Variants in DLGAP2 observed in about 807,000 individuals in gnomAD.
The protein encoded by DLGAP2 is disks large-associated protein 2.
DLGAP2 carries 26 observed loss-of-function variants against 100.3 expected under a neutral mutation model. That is an observed-to-expected ratio of 0.26 (90% confidence interval 0.19 to 0.36). DLGAP2 has a LOEUF of 0.36. Ranked by LOEUF, DLGAP2 falls within the 10% of genes least tolerant of loss-of-function variation. DLGAP2 has a pLI of 1.00. For missense variants in DLGAP2, 1,858 were observed against 1,453.2 expected, an observed-to-expected ratio of 1.28 and a Z score of -4.53; for synonymous variants, 886 against 630.1, an observed-to-expected ratio of 1.41 and a Z score of -6.08.
At chr8:836,438 C>T (rs528908022) in intron 1 of DLGAP2, among the ~76,000 whole-genome samples, 67 of 152,310 alleles carry the variant, frequency 4.4e-4, no homozygotes, top group African/African-American at 1.6e-3. Context: ...GTAGGTCCTG[C>T]AGGCGCCCTG....
chr8:1,525,609 G>T (rs1048402151), intron 4 of DLGAP2, among the ~76,000 whole-genome samples: 1 of 152,228 alleles, frequency 6.6e-6, no homozygotes, highest in Non-Finnish European at 1.5e-5. Flanking sequence ...AACCATGTGC[G>T]AATCGCAGAA....
intron 1 of DLGAP2, among the ~76,000 whole-genome samples, chr8:818,436 G>A (rs937412975): frequency 2.6e-5 from 4 of 152,076 alleles, no homozygotes; most frequent in Admixed American, 6.5e-5. Context: ...CCTGAACCAC[G>A]AACCTCCCCA....
intron 3 of DLGAP2, among the ~76,000 whole-genome samples, chr8:1,437,745 A>T (rs1797689259): frequency 6.9e-6 from 1 of 145,474 alleles, no homozygotes; most frequent in African/African-American, 2.5e-5. Flanking sequence ...AGGCAGGTGG[A>T]TCATTTGAGG....
intron 2 of DLGAP2, among the ~76,000 whole-genome samples, chr8:1,188,176 C>T (rs1329608709): frequency 2.8e-5 from 4 of 141,758 alleles, no homozygotes; most frequent in South Asian, 4.5e-4. Context: ...CACGGAATCT[C>T]ACACGCCCGG....
intron 1 of DLGAP2, among the ~76,000 whole-genome samples, chr8:780,603 C>G (rs1219085520): frequency 1.3e-5 from 2 of 152,204 alleles, no homozygotes; most frequent in Admixed American, 1.3e-4. Flanking sequence ...AACGTGAGTC[C>G]CCTTCACCCA....
At chr8:979,755 C>A (rs1474694758) in intron 2 of DLGAP2, among the ~76,000 whole-genome samples, 3 of 152,186 alleles carry the variant, frequency 2.0e-5, no homozygotes, top group African/African-American at 7.2e-5. Flanking sequence ...CTCTTGCATG[C>A]AGTTTTAAGG....
At chr8:1,317,254 A>G (rs1291216206) in intron 3 of DLGAP2, among the ~76,000 whole-genome samples, 2 of 141,210 alleles carry the variant, frequency 1.4e-5, no homozygotes, top group Admixed American at 1.4e-4. Flanking sequence ...AGCGTGTGCG[A>G]GTGCAGCGTC....
At chr8:960,402 T>C (rs1227740174) in intron 2 of DLGAP2, among the ~76,000 whole-genome samples, 1 of 151,636 alleles carries the variant, frequency 6.6e-6, no homozygotes, top group Non-Finnish European at 1.5e-5. Context: ...CGCCAGCTGT[T>C]TGTATTTTTA....
chr8:795,696 G>GCAGGTGTCCAGTGAGAA (rs1796013729), intron 1 of DLGAP2, among the ~76,000 whole-genome samples: 2 of 21,956 alleles, frequency 9.1e-5, no homozygotes, highest in Non-Finnish European at 1.1e-4. Context: ...TCCAGTGAGA[G>GCAGGTGTCCAGTGAGAA]CAGGCGTCCA....
chr8:759,284 A>ACCAATACCCGCAACAGCCTCCCTGTTG (rs1821014040), intron 1 of DLGAP2, among the ~76,000 whole-genome samples: 2 of 143,732 alleles, frequency 1.4e-5, no homozygotes. Context: ...CCTCCCCATT[A>ACCAATACCCGCAACAGCCTCCCTGTTG]TCAATACCCC....
At chr8:1,004,555 C>G (rs187150568) in intron 2 of DLGAP2, among the ~76,000 whole-genome samples, 50 of 152,326 alleles carry the variant, frequency 3.3e-4, no homozygotes, top group African/African-American at 1.2e-3. Context: ...GGCCTCACGA[C>G]TCTCTTGAGT....
At chr8:909,512 GGAAAACATTGCCAACTGAA>G (rs1170832514) in intron 2 of DLGAP2, among the ~76,000 whole-genome samples, 4 of 150,734 alleles carry the variant, frequency 2.7e-5, no homozygotes, top group Non-Finnish European at 5.9e-5. Flanking sequence ...AAGTTAATTT[GGAAAACATTGCCAACTGAA>G]GATGTTTTAT....
chr8:1,272,488 A>G (rs1383364300), intron 3 of DLGAP2, among the ~76,000 whole-genome samples: 2 of 152,018 alleles, frequency 1.3e-5, no homozygotes, highest in African/African-American at 2.4e-5. Flanking sequence ...TATATTACAC[A>G]TAAACGTTTT....
At chr8:1,533,855 G>A (rs904082547) in intron 4 of DLGAP2, among the ~76,000 whole-genome samples, 4 of 152,136 alleles carry the variant, frequency 2.6e-5, no homozygotes, top group African/African-American at 9.7e-5. Flanking sequence ...TCCTCAGGAG[G>A]CTGAGGTGGG....
intron 3 of DLGAP2, among the ~76,000 whole-genome samples, chr8:1,317,925 C>T (rs868753309): frequency 1.1e-5 from 1 of 92,328 alleles, no homozygotes; most frequent in South Asian, 3.7e-4. Flanking sequence ...TCGAGACACT[C>T]GTCAGCGTTT....
At chr8:1,125,373 GAA>G (rs983239328) in intron 2 of DLGAP2, among the ~76,000 whole-genome samples, 1 of 151,884 alleles carries the variant, frequency 6.6e-6, no homozygotes, top group Non-Finnish European at 1.5e-5. Context: ...TTTTTTTATG[GAA>G]AAAAATGAGT....
intron 12 of DLGAP2, among the ~76,000 whole-genome samples, chr8:1,687,143 CAG>C (rs1408257908): frequency 6.6e-6 from 1 of 152,164 alleles, no homozygotes; most frequent in Non-Finnish European, 1.5e-5. Context: ...CAGGGGATCA[CAG>C]GGGTTACAAA....
chr8:1,273,905 G>T (rs548860153), intron 3 of DLGAP2, among the ~76,000 whole-genome samples: 1 of 152,302 alleles, frequency 6.6e-6, no homozygotes, highest in Admixed American at 6.5e-5. Context: ...ATATAGCCGG[G>T]AATCTGCTCT....
chr8:973,586 G>A (rs575063796), intron 2 of DLGAP2, among the ~76,000 whole-genome samples: 29 of 152,336 alleles, frequency 1.9e-4, no homozygotes, highest in African/African-American at 6.0e-4. Flanking sequence ...TGCAATCTCG[G>A]CACTTTGGGA....
Sources: gnomAD v4.1 joint callset for allele counts (sites outside exome capture counted in the v4.1 genomes callset) on GRCh38, gnomAD v4.1.1 for gene constraint, MANE v1.5 for transcripts, NCBI Gene and HGNC (gene_info 2026-07-23, HGNC 2026-07-21) for gene names.